NAMPT: variants seen among roughly 807,000 people sequenced by gnomAD.
The protein encoded by NAMPT is nicotinamide phosphoribosyltransferase.
In NAMPT, 7 loss-of-function variants were observed where a neutral mutation model predicts 58.7. The ratio of observed to expected loss-of-function variants is 0.12; its 90% CI spans 0.07 to 0.22. NAMPT has a LOEUF of 0.22. Among genes scored for constraint, NAMPT ranks in the 10% least tolerant of loss-of-function variants. The pLI, the probability that NAMPT is intolerant of heterozygous loss-of-function variation, is 1.00. For missense variants in NAMPT, 271 were observed against 567.9 expected (o/e 0.48, Z 5.31); for synonymous variants, 145 against 198.1 (o/e 0.73, Z 2.25).
At position 106,268,542 on chromosome 7, in the gene NAMPT, G is replaced by A; in HGVS notation, c.665C>T (p.Ala222Val). The A allele has an allele frequency of 6.2e-7, 1 of 1,611,336 alleles. No homozygotes were observed. Among genetic ancestry groups the A allele is most frequent in the Non-Finnish European group, 8.5e-7 (1 of 1,177,496 alleles). Residue 222 changes from alanine to valine, a missense_variant, in exon 6 of 11, where the codon GCA becomes GTA. Ala to Val is a moderately conservative substitution (Grantham distance 64, BLOSUM62 0). Around this residue, in one of 4 missense-constraint regions of NAMPT, gnomAD observed 143 missense variants for 331.1 expected, o/e 0.43. Transcript: ENST00000222553. ...LVNFKGTDTVAGLALIKKYYG... is the reference protein window; with the variant it reads ...LVNFKGTDTVVGLALIKKYYG... ...ATATTTTTTAATTAGAGCAAGTCCT[G>A]CTACTGTATCTGTTCCTTTGAAGTT... is the stretch of plus-strand genomic sequence containing the variant.
chr7:106,282,804 C>T (rs1329504759), intron 1 of NAMPT, among the ~76,000 whole-genome samples: 2 of 152,234 alleles, frequency 1.3e-5, no homozygotes, highest in Non-Finnish European at 2.9e-5. Flanking sequence ...TTCATCAACA[C>T]ATCTGAAACT....
chr7:106,261,542 A>G, intron 8 of NAMPT, 46 bp downstream of exon 8: 1 of 1,385,666 alleles, frequency 7.2e-7, no homozygotes, highest in Non-Finnish European at 1.0e-6. Flanking sequence ...AAACAAACTT[A>G]ATTATAAGAA....
At chr7:106,256,888 T>G (rs1343301380) in intron 8 of NAMPT, among the ~76,000 whole-genome samples, 1 of 152,140 alleles carries the variant, frequency 6.6e-6, no homozygotes, top group Non-Finnish European at 1.5e-5. Flanking sequence ...TTAAAGGTAT[T>G]TTTCTGGCCA....
In NAMPT at chr7:106,251,080, AGCCTAATGATGT is replaced by A. The variant is rs1441709059; in HGVS notation, c.1467_*2del. 6.6e-7 allele frequency: 1 copy of A among 1,511,620 alleles called. No homozygotes were observed. Among genetic ancestry groups the A allele is most frequent in the African/African-American group, 1.4e-5 (1 of 72,780 alleles). The allele number at this position is 1,511,620 out of a possible 1,614,324, so 93.6% of individuals were successfully genotyped here. On this transcript the variant is annotated stop_lost and 3_prime_UTR_variant, in exon 11 of 11. Coordinates refer to ENST00000222553, the MANE Select transcript of NAMPT (RefSeq NM_005746.3). ...ACACACAACACACACCCAGTCATAA[AGCCTAATGATGT>A]GCTGCTTCCAGTTCAATATTCAGCT...
chr7:106,265,308 T>C (rs1792389245), intron 6 of NAMPT, among the ~76,000 whole-genome samples: 1 of 152,172 alleles, frequency 6.6e-6, no homozygotes, highest in African/African-American at 2.4e-5. Context: ...ACTTGTATCA[T>C]GTCTAGCAAA....
intron 8 of NAMPT, among the ~76,000 whole-genome samples, chr7:106,258,640 A>G (rs73720620): frequency 0.062 from 9,432 of 152,264 alleles, 455 homozygotes; most frequent in African/African-American, 0.13. Context: ...GAATTTTTTG[A>G]TTTCCCATTG....
chr7:106,269,662 T>C (rs1298245840), intron 4 of NAMPT, among the ~76,000 whole-genome samples: 2 of 152,204 alleles, frequency 1.3e-5, no homozygotes, highest in African/African-American at 2.4e-5. Context: ...ATCAATAGTT[T>C]ATAAAGGACA....
chr7:106,261,802 G>A (rs1792308372), intron 7 of NAMPT, 95 bp from the exon 8 acceptor site: 1 of 1,342,134 alleles, frequency 7.5e-7, no homozygotes, highest in African/African-American at 1.5e-5. Context: ...TGATAATCGA[G>A]AATATAAAAA....
chr7:106,273,163 A>AAAT (rs1458928229), intron 3 of NAMPT, among the ~76,000 whole-genome samples: 1 of 152,250 alleles, frequency 6.6e-6, no homozygotes, highest in Non-Finnish European at 1.5e-5. Context: ...AGAAGAACCG[A>AAAT]AATAGGTTCC....
In NAMPT at chr7:106,250,078, TAATAAA is replaced by T. The variant is rs1464574559; in HGVS notation, c.*999_*1004del. 7.2e-5 allele frequency: 11 copies of T among 152,358 alleles called. No individual in the cohort carries two copies. Among genetic ancestry groups the T allele is most frequent in the African/African-American group, 1.7e-4 (7 of 41,412 alleles). 9.4% of individuals were successfully genotyped at this position (152,358 alleles called of 1,614,324 possible). The stretch of plus-strand genomic sequence containing the variant: ...TATCCAATTTAATTTTTTAAAAACT[TAATAAA>T]AAATATAACAGAATTGAAACATTTA... On this transcript the variant is annotated 3_prime_UTR_variant, in exon 11 of 11. Coordinates refer to ENST00000222553, the MANE Select transcript of NAMPT (RefSeq NM_005746.3).
At chr7:106,271,324 T>C (rs1792529462) in intron 4 of NAMPT, among the ~76,000 whole-genome samples, 2 of 152,282 alleles carry the variant, frequency 1.3e-5, no homozygotes, top group East Asian at 1.9e-4. Flanking sequence ...TAAAAGCTTA[T>C]TTATTTTCCA....
At chr7:106,273,428 T>C (rs944428516) in intron 3 of NAMPT, among the ~76,000 whole-genome samples, 3 of 152,184 alleles carry the variant, frequency 2.0e-5, no homozygotes, top group Admixed American at 2.0e-4. Flanking sequence ...GGTAATTAAA[T>C]ACAAGAAAAA....
At chr7:106,254,327 A>C in intron 9 of NAMPT, 37 bp downstream of exon 9, 1 of 1,606,922 alleles carries the variant, frequency 6.2e-7, no homozygotes, top group Non-Finnish European at 8.5e-7. Context: ...ATACATAAGG[A>C]AGGTAGTAAC....
chr7:106,278,181 T>TACAC (rs1178740490), intron 1 of NAMPT, among the ~76,000 whole-genome samples: 1 of 151,990 alleles, frequency 6.6e-6, no homozygotes. Flanking sequence ...TGTCTTTGGG[T>TACAC]ACACAGTCTC....
chr7:106,283,679 T>A (rs1482246484), intron 1 of NAMPT, among the ~76,000 whole-genome samples: 2 of 152,158 alleles, frequency 1.3e-5, no homozygotes, highest in Non-Finnish European at 2.9e-5. Context: ...TACTTTAAAC[T>A]TGCATCTAAA....
In NAMPT at chr7:106,267,872, A is replaced by AAAAAAAAAAAAAAAAAAAAAAC. The variant is rs1562815992; in HGVS notation, c.743+591_743+592insGTTTTTTTTTTTTTTTTTTTTT. On this transcript the variant is annotated intron_variant, in intron 6 of 10. Coordinates refer to ENST00000222553, the MANE Select transcript of NAMPT (RefSeq NM_005746.3). ...AAAAAAAAAAAAAAAAAAAAAAAAAAAAAACAACCTGATTTACTTTTAATA... is the reference window on the plus strand; with the variant it reads ...AAAAAAAAAAAAAAAAAAAAAAAAAAAAAAAAAAAAAAAAAAAAAAACAAAACAACCTGATTTACTTTTAATA... 5.1e-5 allele frequency among the ~76,000 whole-genome samples: 7 copies of AAAAAAAAAAAAAAAAAAAAAAC among 136,200 alleles called. 1 individual carries two copies. Among genetic ancestry groups the AAAAAAAAAAAAAAAAAAAAAAC allele is most frequent in the African/African-American group, 1.7e-4 (6 of 34,436 alleles). 89.4% of individuals were successfully genotyped at this position (136,200 alleles called of 152,430 possible).
At chr7:106,271,633 A>G (rs1792536444) in intron 4 of NAMPT, among the ~76,000 whole-genome samples, 2 of 152,152 alleles carry the variant, frequency 1.3e-5, no homozygotes, top group Non-Finnish European at 2.9e-5. Flanking sequence ...GGCCCATAAA[A>G]AGTCTATTAA....
intron 1 of NAMPT, among the ~76,000 whole-genome samples, chr7:106,278,029 CAG>C (rs1470982970): frequency 6.6e-6 from 1 of 152,154 alleles, no homozygotes; most frequent in Non-Finnish European, 1.5e-5. Flanking sequence ...GTAGGAATAA[CAG>C]TGCCTTGAGG....
intron 8 of NAMPT, among the ~76,000 whole-genome samples, chr7:106,258,933 T>C (rs1485392608): frequency 1.3e-5 from 2 of 152,214 alleles, no homozygotes; most frequent in East Asian, 1.9e-4. Context: ...GAAAGATTTA[T>C]CTGTAGCTTG....
Sources: gnomAD v4.1 joint callset for allele counts (sites outside exome capture counted in the v4.1 genomes callset) on GRCh38, gnomAD v4.1.1 for gene constraint, gnomAD v4.1.1 regional missense constraint, MANE v1.5 for transcripts, NCBI Gene and HGNC (gene_info 2026-07-23, HGNC 2026-07-21) for gene names.